Variants in HHAT observed in about 807,000 individuals in gnomAD.
HHAT encodes hedgehog acyltransferase.
A neutral mutation model predicts 70.8 loss-of-function variants in HHAT; 47 were observed. That is an observed-to-expected ratio of 0.66 (90% CI 0.53 to 0.85). HHAT has a LOEUF of 0.85. HHAT is among the 40% of genes least tolerant of loss of function. The pLI is 0.00. For missense variants in HHAT, 609 were observed against 604.8 expected, an observed-to-expected ratio of 1.01 and a Z score of -0.07; for synonymous variants, 228 against 247.6, an observed-to-expected ratio of 0.92 and a Z score of 0.74.
chr1:210,674,349 T>C lies in HHAT; in HGVS notation c.1452T>C (p.Ile484=). Reference sequence around the variant, plus strand: ...TGTACTGCTACTCCCACGTGGGCATTGCCTGGGCCCAGACCTACGCCACGG... The same window carrying C: ...TGTACTGCTACTCCCACGTGGGCATCGCCTGGGCCCAGACCTACGCCACGG... The part of the protein sequence containing the change: ...GFLYCYSHVG[I]AWAQTYATD Residue 484 remains isoleucine (I), a synonymous_variant, in exon 12 of 12, where the codon ATT becomes ATC. Coordinates refer to ENST00000261458, the MANE Select transcript of HHAT (RefSeq NM_018194.6). 6.2e-7 allele frequency: 1 copy of C among 1,614,224 alleles called. No individual in the cohort carries two copies. Among genetic ancestry groups the C allele is most frequent in the Non-Finnish European group, 8.5e-7 (1 of 1,180,042 alleles).
At position 210,340,242 on chromosome 1, in the gene HHAT, GAAAA is replaced by G. The variant is rs57007952; in HGVS notation, c.-43-8668_-43-8665del. Reference sequence around the variant, plus strand: ...GGGGATAGAGCAAGACTCTGTCTCAGAAAAAAAAAAAAAAAAAAAAAAAAAAGAC... The same window carrying G: ...GGGGATAGAGCAAGACTCTGTCTCAGAAAAAAAAAAAAAAAAAAAAAAGAC... On this transcript the variant is annotated intron_variant, in intron 1 of 11. Transcript: ENST00000261458. 3.5e-4 allele frequency among the ~76,000 whole-genome samples: 35 copies of G among 99,772 alleles called. 1 individual carries two copies. Among genetic ancestry groups the G allele is most frequent in the African/African-American group, 9.8e-4 (29 of 29,618 alleles). The allele number at this position is 99,772 out of a possible 152,430, so 65.5% of individuals were successfully genotyped here. A position where few individuals can be genotyped will look rare whatever the true frequency, so the allele number is the denominator to read the frequency against.
At chr1:210,446,094 G>T (rs77171289) in intron 7 of HHAT, among the ~76,000 whole-genome samples, 1 of 152,270 alleles carries the variant, frequency 6.6e-6, no homozygotes, top group South Asian at 2.1e-4. Context: ...TGGGAAGAGC[G>T]CAAAGGGCGG....
chr1:210,338,772 C>T (rs1473742593), intron 1 of HHAT, among the ~76,000 whole-genome samples: 1 of 152,168 alleles, frequency 6.6e-6, no homozygotes, highest in East Asian at 1.9e-4. Flanking sequence ...TATGCTGTCT[C>T]CATGCCTTTA....
intron 7 of HHAT, among the ~76,000 whole-genome samples, chr1:210,438,569 C>T (rs557646741): frequency 1.1e-4 from 16 of 151,824 alleles, no homozygotes; most frequent in Non-Finnish European, 2.2e-4. Context: ...ACCTGCCACT[C>T]CTAATTTTGT....
At chr1:210,663,677 CTACAACAG>C (rs1221990276) in intron 11 of HHAT, among the ~76,000 whole-genome samples, 2 of 152,186 alleles carry the variant, frequency 1.3e-5, no homozygotes, top group Admixed American at 1.3e-4. Flanking sequence ...GCAGATTCCC[CTACAACAG>C]TAGTTCCCAA....
intron 4 of HHAT, among the ~76,000 whole-genome samples, chr1:210,393,846 G>A (rs956289284): frequency 1.3e-5 from 2 of 152,124 alleles, no homozygotes; most frequent in Non-Finnish European, 1.5e-5. Context: ...TGTGGCTGGG[G>A]CACAGTGCTT....
intron 9 of HHAT, among the ~76,000 whole-genome samples, chr1:210,559,696 G>A (rs2148704963): frequency 6.6e-6 from 1 of 152,288 alleles, no homozygotes; most frequent in Middle Eastern, 3.4e-3. Flanking sequence ...GTCTCTGTGT[G>A]CTCAGAACAG....
chr1:210,448,925 T>A (rs2093690222), intron 7 of HHAT, among the ~76,000 whole-genome samples: 1 of 152,142 alleles, frequency 6.6e-6, no homozygotes, highest in Non-Finnish European at 1.5e-5. Flanking sequence ...CTTCTGTCCC[T>A]CACCTCATGC....
intron 1 of HHAT, among the ~76,000 whole-genome samples, chr1:210,331,517 C>T (rs2084985846): frequency 6.6e-6 from 1 of 152,228 alleles, no homozygotes. Flanking sequence ...TGGTCCTCTT[C>T]TAGCATGGAC....
intron 4 of HHAT, among the ~76,000 whole-genome samples, chr1:210,391,414 AAC>A (rs754475271): frequency 1.3e-5 from 2 of 152,328 alleles, no homozygotes; most frequent in East Asian, 3.9e-4. Context: ...TATAGAGGAA[AAC>A]ACTGATAAAT....
In HHAT at chr1:210,577,637, A is replaced by ATTTTT. The variant is rs1192626068; in HGVS notation, c.1044-10238_1044-10234dup. 4.1e-4 allele frequency among the ~76,000 whole-genome samples: 25 copies of ATTTTT among 60,252 alleles called. 2 individuals carry two copies. Among genetic ancestry groups the ATTTTT allele is most frequent in the African/African-American group, 1.4e-3 (21 of 14,746 alleles). The allele number at this position is 60,252 out of a possible 152,430, so 39.5% of individuals were successfully genotyped here. A position where few individuals can be genotyped will look rare whatever the true frequency, so the allele number is the denominator to read the frequency against. ...TGCATTAGGGATATTGGCCTGTAGG[A>ATTTTT]TTTTTTTTTTTTTTTTTTTTTTTTT... On this transcript the variant is annotated intron_variant, in intron 9 of 11. Transcript: ENST00000261458.
At chr1:210,415,389 G>A (rs1558471457) in intron 6 of HHAT, among the ~76,000 whole-genome samples, 1 of 152,168 alleles carries the variant, frequency 6.6e-6, no homozygotes, top group Non-Finnish European at 1.5e-5. Context: ...ACCATCCTCA[G>A]TTTATGCCCA....
At chr1:210,396,324 C>T (rs917794745) in intron 4 of HHAT, among the ~76,000 whole-genome samples, 1 of 152,122 alleles carries the variant, frequency 6.6e-6, no homozygotes, top group Non-Finnish European at 1.5e-5. Context: ...TCTCAAGCTT[C>T]AGGTCACTCA....
chr1:210,531,938 C>T (rs1327968845), intron 9 of HHAT, among the ~76,000 whole-genome samples: 2 of 152,170 alleles, frequency 1.3e-5, no homozygotes, highest in African/African-American at 4.8e-5. Flanking sequence ...GGTGATGATT[C>T]CTGGGTACTT....
At chr1:210,354,541 A>G (rs1467783761) in intron 2 of HHAT, among the ~76,000 whole-genome samples, 4 of 152,086 alleles carry the variant, frequency 2.6e-5, no homozygotes, top group Non-Finnish European at 5.9e-5. Context: ...TATTTTATAA[A>G]AAGAGAGACA....
intron 8 of HHAT, among the ~76,000 whole-genome samples, chr1:210,482,579 G>A (rs1169555216): frequency 3.9e-5 from 6 of 152,144 alleles, no homozygotes; most frequent in African/African-American, 1.4e-4. Flanking sequence ...GCCCTTGAAA[G>A]CCACATCTCA....
At chr1:210,504,192 A>C (rs2094811357) in intron 8 of HHAT, among the ~76,000 whole-genome samples, 1 of 152,232 alleles carries the variant, frequency 6.6e-6, no homozygotes, top group African/African-American at 2.4e-5. Flanking sequence ...TATCCTAAGC[A>C]TCTCTTGTAG....
intron 3 of HHAT, among the ~76,000 whole-genome samples, chr1:210,370,526 AAG>A (rs369198587): frequency 6.6e-6 from 1 of 151,522 alleles, no homozygotes; most frequent in South Asian, 2.1e-4. Flanking sequence ...TACTAGATAG[AAG>A]AGAGAGAGAA....
rs543885017 is a variant in HHAT, at chr1:210,502,884, AT to A, written c.1008-10259del. On this transcript the variant is annotated intron_variant, in intron 8 of 11. Coordinates refer to ENST00000261458, the MANE Select transcript of HHAT (RefSeq NM_018194.6). ...CAACACCTGGAGTGAATCAGCCTCA[AT>A]TTTTTTTTTCTTTCTTGCTGTCTAT... Among the ~76,000 whole-genome samples, 42 of 149,850 alleles carry A rather than the reference AT, an allele frequency of 2.8e-4. 2 individuals carry two copies. The East Asian group carries it at 5.3e-3, about 19-fold the overall frequency.
Sources: allele counts gnomAD v4.1 joint callset (sites outside exome capture counted in the v4.1 genomes callset), GRCh38; gene constraint gnomAD v4.1.1; transcripts MANE v1.5; gene names NCBI Gene and HGNC (gene_info 2026-07-23, HGNC 2026-07-21).